TMEM117: variants seen among roughly 807,000 people sequenced by gnomAD.
The protein encoded by TMEM117 is transmembrane protein 117.
In TMEM117, 27 loss-of-function variants were observed where a neutral mutation model predicts 52.4. The observed-to-expected ratio is 0.51, with a 90% CI of 0.38 to 0.71. TMEM117 has a LOEUF of 0.71. Among genes scored for constraint, TMEM117 ranks in the 30% least tolerant of loss-of-function variants. The pLI, the probability that TMEM117 is intolerant of heterozygous loss-of-function variation, is 0.00. For synonymous variants in TMEM117, 215 were observed against 206.3 expected (o/e 1.04, Z -0.36); for missense variants, 556 against 630.5 (o/e 0.88, Z 1.26).
intron 3 of TMEM117, among the ~76,000 whole-genome samples, chr12:44,079,220 A>G (rs1394271541): frequency 6.6e-6 from 1 of 152,172 alleles, no homozygotes; most frequent in Non-Finnish European, 1.5e-5. Context: ...TCCTTTGGGT[A>G]TATACCCGGT....
Position 44,388,793 on chromosome 12 carries a change from A to G in TMEM117, c.*121A>G. 9.4e-7 allele frequency: 1 copy of G among 1,067,772 alleles called. No homozygotes were observed. Among genetic ancestry groups the G allele is most frequent in the East Asian group, 2.5e-5 (1 of 40,392 alleles). The allele number at this position is 1,067,772 out of a possible 1,614,324, so 66.1% of individuals were successfully genotyped here. ...GTTAGGTAAAAATATGAACAATGCCACAACGGTGCTCAACATGCTTTTTCT... is the reference window on the plus strand; with the variant it reads ...GTTAGGTAAAAATATGAACAATGCCGCAACGGTGCTCAACATGCTTTTTCT... On this transcript the variant is annotated 3_prime_UTR_variant, in exon 8 of 8. Transcript: ENST00000266534.
At chr12:43,984,405 A>G (rs182343166) in intron 3 of TMEM117, among the ~76,000 whole-genome samples, 5 of 149,734 alleles carry the variant, frequency 3.3e-5, no homozygotes, top group South Asian at 2.1e-4. Context: ...AACAACAACA[A>G]CAGCATATCA....
chr12:44,132,273 G>A (rs993498508), intron 3 of TMEM117, among the ~76,000 whole-genome samples: 4 of 149,520 alleles, frequency 2.7e-5, no homozygotes, highest in Admixed American at 1.3e-4. Flanking sequence ...GTGTATGTAC[G>A]CACACACACA....
At chr12:43,884,612 G>C (rs1175288450) in intron 2 of TMEM117, among the ~76,000 whole-genome samples, 1 of 152,138 alleles carries the variant, frequency 6.6e-6, no homozygotes, top group African/African-American at 2.4e-5. Flanking sequence ...CCAAGCAACT[G>C]TCTCTACCAT....
intron 5 of TMEM117, among the ~76,000 whole-genome samples, chr12:44,253,800 T>G (rs891576443): frequency 5.3e-5 from 8 of 149,794 alleles, no homozygotes; most frequent in African/African-American, 7.4e-5. Context: ...ACTTCAGAAC[T>G]TGCATAAAAG....
intron 5 of TMEM117, among the ~76,000 whole-genome samples, chr12:44,252,505 AAAACAAAC>A (rs530874914): frequency 6.6e-6 from 1 of 152,122 alleles, no homozygotes; most frequent in Non-Finnish European, 1.5e-5. Flanking sequence ...CTCTGTCTCA[AAAACAAAC>A]AAACAAACAA....
intron 2 of TMEM117, among the ~76,000 whole-genome samples, chr12:43,885,413 TC>T (rs1467249353): frequency 4.5e-5 from 2 of 44,654 alleles, no homozygotes; most frequent in South Asian, 8.7e-4. Flanking sequence ...CTTTTTCTTT[TC>T]TTTTCTTTTT....
intron 2 of TMEM117, among the ~76,000 whole-genome samples, chr12:43,885,422 T>TTA (rs1157162954): frequency 5.4e-5 from 8 of 147,802 alleles, no homozygotes; most frequent in Admixed American, 6.8e-5. Flanking sequence ...TTCTTTTCTT[T>TTA]TTTTTTTTGA....
chr12:44,033,802 A>C (rs983825113), intron 3 of TMEM117, among the ~76,000 whole-genome samples: 47 of 152,316 alleles, frequency 3.1e-4, no homozygotes, highest in African/African-American at 1.1e-3. Context: ...CTTTTAATAT[A>C]ATGTGCCTTG....
At chr12:43,992,350 C>T (rs1004355299) in intron 3 of TMEM117, among the ~76,000 whole-genome samples, 1 of 151,954 alleles carries the variant, frequency 6.6e-6, no homozygotes, top group Non-Finnish European at 1.5e-5. Flanking sequence ...CTAACTGCAG[C>T]CTCCATTTCC....
At chr12:44,036,168 A>T (rs1013087807) in intron 3 of TMEM117, among the ~76,000 whole-genome samples, 2 of 152,232 alleles carry the variant, frequency 1.3e-5, no homozygotes, top group Admixed American at 1.3e-4. Context: ...CTTCCACTGA[A>T]GTTGCTATAT....
intron 3 of TMEM117, among the ~76,000 whole-genome samples, chr12:44,131,105 ATCAT>A (rs1433787726): frequency 5.9e-5 from 9 of 152,078 alleles, no homozygotes; most frequent in Non-Finnish European, 1.0e-4. Context: ...AGGATTTTTA[ATCAT>A]TCAGTTTTAG....
At chr12:44,133,117 C>A (rs769606094) in intron 3 of TMEM117, among the ~76,000 whole-genome samples, 1 of 152,092 alleles carries the variant, frequency 6.6e-6, no homozygotes, top group Non-Finnish European at 1.5e-5. Flanking sequence ...TGGGTGTATT[C>A]GTTGACTGAT....
chr12:44,102,964 G>A (rs76576910), intron 3 of TMEM117, among the ~76,000 whole-genome samples: 3 of 151,924 alleles, frequency 2.0e-5, no homozygotes, highest in Non-Finnish European at 4.4e-5. Flanking sequence ...TGTGAAGAAG[G>A]ACATGTTTGC....
intron 3 of TMEM117, among the ~76,000 whole-genome samples, chr12:44,010,429 A>T (rs1946271409): frequency 6.6e-6 from 1 of 151,998 alleles, no homozygotes; most frequent in Admixed American, 6.6e-5. Flanking sequence ...AAGCTCCAAG[A>T]TTTTCGGAGC....
chr12:43,999,755 G>A (rs111333209), intron 3 of TMEM117, among the ~76,000 whole-genome samples: 13,854 of 152,150 alleles, frequency 0.091, 995 homozygotes, highest in African/African-American at 0.19. Flanking sequence ...GCCTCCCAAA[G>A]TGCTGGGATT....
chr12:43,935,202 A>C (rs1296012614), intron 2 of TMEM117, among the ~76,000 whole-genome samples: 1 of 152,102 alleles, frequency 6.6e-6, no homozygotes, highest in Non-Finnish European at 1.5e-5. Flanking sequence ...GAGTTTTGCC[A>C]GGTTGCCCAG....
chr12:43,806,333 G>A, the TMEM117 span: 2 of 1,286,522 alleles, frequency 1.6e-6, no homozygotes, highest in South Asian at 2.4e-5. Flanking sequence ...TCCTCCGCCG[G>A]CCCCGGCGCG....
At chr12:44,196,176 AG>A (rs1949417977) in intron 4 of TMEM117, among the ~76,000 whole-genome samples, 1 of 152,110 alleles carries the variant, frequency 6.6e-6, no homozygotes, top group African/African-American at 2.4e-5. Context: ...GAAAAGAAAA[AG>A]CACTGAAGAT....
Sources: allele counts gnomAD v4.1 joint callset (sites outside exome capture counted in the v4.1 genomes callset), GRCh38; gene constraint gnomAD v4.1.1; transcripts MANE v1.5; gene names NCBI Gene and HGNC (gene_info 2026-07-23, HGNC 2026-07-21).